The following EXOC4 variants were observed in gnomAD, a reference collection of about 807,000 sequenced individuals.
The protein encoded by EXOC4 is exocyst complex component 4.
Under a neutral mutation model 107.2 loss-of-function variants are expected in EXOC4, and 71 were observed. That is an observed-to-expected ratio of 0.66 (90% confidence interval 0.55 to 0.81). EXOC4 has a LOEUF of 0.81. Ranked by LOEUF, EXOC4 falls within the 30% of genes least tolerant of loss-of-function variation. EXOC4 has a pLI of 0.00. For missense variants in EXOC4, 1,108 were observed against 1,189.6 expected, an observed-to-expected ratio of 0.93 and a Z score of 1.01; for synonymous variants, 456 against 441.2, an observed-to-expected ratio of 1.03 and a Z score of -0.42.
In EXOC4 at chr7:133,365,634, C is replaced by G. The variant is rs1270137289; in HGVS notation, c.1007+9061C>G. 3.3e-5 allele frequency among the ~76,000 whole-genome samples: 5 copies of G among 152,304 alleles called. No homozygotes were observed. In the East Asian group the frequency reaches 7.7e-4, roughly 23 times the overall value. ...AGCAGATGGAGAATTAGTCAGCACT[C>G]TTTAAATAGTAACCCCTTTTTACAT... On this transcript the variant is annotated intron_variant, in intron 6 of 17. Transcript: ENST00000253861.
chr7:133,796,991 T>C (rs1715576366), intron 10 of EXOC4, among the ~76,000 whole-genome samples: 1 of 152,122 alleles, frequency 6.6e-6, no homozygotes, highest in African/African-American at 2.4e-5. Context: ...ATTATCTGAT[T>C]GGAAAAAAGC....
chr7:133,543,936 TA>T (rs1209909324), intron 9 of EXOC4, among the ~76,000 whole-genome samples: 1 of 152,178 alleles, frequency 6.6e-6, no homozygotes, highest in Non-Finnish European at 1.5e-5. Context: ...AGTTTGCCTG[TA>T]AATGAAATTA....
intron 7 of EXOC4, among the ~76,000 whole-genome samples, chr7:133,440,193 A>G (rs1236554128): frequency 3.3e-5 from 5 of 152,156 alleles, no homozygotes; most frequent in African/African-American, 1.2e-4. Flanking sequence ...CTTGAACACT[A>G]CAATGGCTTT....
chr7:133,791,658 G>A (rs1235820725), intron 10 of EXOC4, among the ~76,000 whole-genome samples: 1 of 152,132 alleles, frequency 6.6e-6, no homozygotes, highest in Non-Finnish European at 1.5e-5. Flanking sequence ...GTGTGAAAAC[G>A]ACTTTGCACA....
At chr7:133,850,468 A>G (rs1443285781) in intron 11 of EXOC4, among the ~76,000 whole-genome samples, 1 of 152,086 alleles carries the variant, frequency 6.6e-6, no homozygotes, top group East Asian at 1.9e-4. Flanking sequence ...GTAGCACATC[A>G]CCAAACAGGA....
intron 10 of EXOC4, among the ~76,000 whole-genome samples, chr7:133,641,894 C>T (rs1002527401): frequency 1.3e-5 from 2 of 152,154 alleles, no homozygotes; most frequent in South Asian, 2.1e-4. Flanking sequence ...AGTGAATCTA[C>T]AGCTCTTTCT....
chr7:134,051,850 G>T (rs539799709), intron 17 of EXOC4, among the ~76,000 whole-genome samples: 2 of 151,888 alleles, frequency 1.3e-5, no homozygotes, highest in Non-Finnish European at 2.9e-5. Flanking sequence ...GCTGGGCATG[G>T]TGGTGGGCAC....
chr7:133,722,977 A>G (rs756265511), intron 10 of EXOC4, among the ~76,000 whole-genome samples: 4 of 152,204 alleles, frequency 2.6e-5, no homozygotes, highest in Non-Finnish European at 4.4e-5. Flanking sequence ...ATTTGCTTTT[A>G]TATGCCTTAG....
chr7:133,331,566 T>C (rs534383742), intron 5 of EXOC4, among the ~76,000 whole-genome samples: 144 of 149,298 alleles, frequency 9.6e-4, no homozygotes, highest in Admixed American at 1.5e-3. Flanking sequence ...CTGGGGTTCA[T>C]GCCATTCTCC....
intron 10 of EXOC4, among the ~76,000 whole-genome samples, chr7:133,792,136 A>C (rs1255314388): frequency 6.6e-6 from 1 of 152,090 alleles, no homozygotes; most frequent in African/African-American, 2.4e-5. Flanking sequence ...CATCATGAGG[A>C]TCCTGATTTG....
At chr7:133,412,463 A>G (rs973533167) in intron 7 of EXOC4, among the ~76,000 whole-genome samples, 1 of 151,910 alleles carries the variant, frequency 6.6e-6, no homozygotes. Flanking sequence ...ACTTTCAGGT[A>G]TAAAGTGTTG....
intron 14 of EXOC4, among the ~76,000 whole-genome samples, chr7:133,942,464 T>C (rs530972200): frequency 1.3e-5 from 2 of 152,276 alleles, no homozygotes; most frequent in Admixed American, 6.5e-5. Flanking sequence ...CCAGAATTGG[T>C]TTGTGAATTG....
intron 10 of EXOC4, among the ~76,000 whole-genome samples, chr7:133,704,328 T>C (rs1794724091): frequency 6.6e-6 from 1 of 152,210 alleles, no homozygotes; most frequent in South Asian, 2.1e-4. Context: ...GCATGGAACT[T>C]CAACAGTTTA....
intron 5 of EXOC4, among the ~76,000 whole-genome samples, chr7:133,332,353 GGGCAC>G (rs1221992626): frequency 6.6e-6 from 1 of 152,098 alleles, no homozygotes; most frequent in African/African-American, 2.4e-5. Context: ...TTTGGAGGCC[GGGCAC>G]AGTGGCTCAT....
At chr7:133,777,172 G>A (rs1796362037) in intron 10 of EXOC4, among the ~76,000 whole-genome samples, 2 of 151,800 alleles carry the variant, frequency 1.3e-5, no homozygotes, top group Non-Finnish European at 2.9e-5. Context: ...GATTCTTGTT[G>A]CCTATCAAGC....
chr7:133,259,062 C>G (rs1795082186), intron 1 of EXOC4, among the ~76,000 whole-genome samples: 2 of 152,136 alleles, frequency 1.3e-5, no homozygotes, highest in African/African-American at 4.8e-5. Context: ...GTCCAGCAAT[C>G]TCATTTCCCA....
At chr7:134,004,308 A>G (rs929869565) in intron 15 of EXOC4, among the ~76,000 whole-genome samples, 2 of 152,152 alleles carry the variant, frequency 1.3e-5, no homozygotes. Context: ...ACACTGCTAT[A>G]CTTAACACTT....
intron 10 of EXOC4, among the ~76,000 whole-genome samples, chr7:133,772,015 G>T (rs1402525380): frequency 6.6e-6 from 1 of 151,960 alleles, no homozygotes; most frequent in African/African-American, 2.4e-5. Flanking sequence ...GATACTGTCT[G>T]CAGCAATCAT....
At chr7:133,415,966 A>G (rs556595560) in intron 7 of EXOC4, among the ~76,000 whole-genome samples, 1 of 152,324 alleles carries the variant, frequency 6.6e-6, no homozygotes, top group Admixed American at 6.5e-5. Flanking sequence ...TTGGAGAATC[A>G]TTTATTAGTA....
Sources: gnomAD v4.1 joint callset for allele counts (sites outside exome capture counted in the v4.1 genomes callset) on GRCh38, gnomAD v4.1.1 for gene constraint, MANE v1.5 for transcripts, NCBI Gene and HGNC (gene_info 2026-07-23, HGNC 2026-07-21) for gene names.